Variants in EXOC6 observed in about 807,000 individuals in gnomAD.
The protein encoded by EXOC6 is exocyst complex component 6.
A neutral mutation model predicts 112.5 loss-of-function variants in EXOC6; 60 were observed. The ratio of observed to expected loss-of-function variants is 0.53; its 90% CI spans 0.43 to 0.66. The LOEUF (loss-of-function observed/expected upper bound fraction) is 0.66, where lower values mean the gene tolerates loss of function less well. EXOC6 is among the 30% of genes least tolerant of loss of function. The pLI is 0.00. For synonymous variants in EXOC6, 295 were observed against 308.0 expected (o/e 0.96, Z 0.44); for missense variants, 855 against 957.1 (o/e 0.89, Z 1.41).
intron 1 of EXOC6, among the ~76,000 whole-genome samples, chr10:92,851,705 A>C (rs527877328): frequency 6.6e-6 from 1 of 151,984 alleles, no homozygotes; most frequent in Non-Finnish European, 1.5e-5. Flanking sequence ...AACTAACCAA[A>C]CAAACAAAAA....
In EXOC6 at chr10:93,031,063, G is replaced by A. The variant is rs905818254; in HGVS notation, c.2169+16796G>A. Among the ~76,000 whole-genome samples, 3 of 152,062 alleles carry A rather than the reference G, an allele frequency of 2.0e-5. No individual in the cohort carries two copies. The East Asian group carries it at 5.8e-4, about 29-fold the overall frequency. On this transcript the variant is annotated intron_variant, in intron 20 of 21. Coordinates refer to ENST00000260762, the MANE Select transcript of EXOC6 (RefSeq NM_019053.6). ...TTGGCCCAGATGGTTTACTTTTCAC[G>A]TTAATTTAGCTGTGAGCACCTACAG... is the stretch of plus-strand genomic sequence containing the variant.
At chr10:93,037,964 C>T (rs745785803) in intron 20 of EXOC6, among the ~76,000 whole-genome samples, 8 of 143,496 alleles carry the variant, frequency 5.6e-5, no homozygotes, top group Non-Finnish European at 1.2e-4. Flanking sequence ...GGCGTGAACC[C>T]GGGAGGCGGA....
Position 92,974,978 on chromosome 10 carries a change from C to T in EXOC6, c.1953+746C>T, listed in dbSNP as rs917249020. The stretch of plus-strand genomic sequence containing the variant: ...AAGTGCCGAGATTGCAGCCTCTGCC[C>T]GGCCGCCACCCCGTCTGGGAAGTGA... On this transcript the variant is annotated intron_variant, in intron 18 of 21. Transcript: ENST00000260762. 1.3e-3 allele frequency among the ~76,000 whole-genome samples: 196 copies of T among 152,162 alleles called. 1 individual carries two copies. The highest frequency in any genetic ancestry group is 2.2e-3 in the Non-Finnish European group (151 of 67,978).
intron 5 of EXOC6, among the ~76,000 whole-genome samples, chr10:92,909,195 G>T (rs1436257898): frequency 6.6e-6 from 1 of 152,084 alleles, no homozygotes; most frequent in Non-Finnish European, 1.5e-5. Context: ...TTCAGATGAA[G>T]TGAAAAAAGA....
chr10:92,975,176 G>A (rs1842466742), intron 18 of EXOC6, among the ~76,000 whole-genome samples: 2 of 151,526 alleles, frequency 1.3e-5, no homozygotes, highest in South Asian at 4.2e-4. Flanking sequence ...TCTCTGCCTG[G>A]CCGCCCATCG....
chr10:92,902,952 G>C (rs1420671766), intron 5 of EXOC6, among the ~76,000 whole-genome samples: 1 of 152,000 alleles, frequency 6.6e-6, no homozygotes, highest in Non-Finnish European at 1.5e-5. Context: ...GTTGCTATTT[G>C]GGTGGTTTCA....
chr10:93,037,558 G>T (rs1023763269), intron 20 of EXOC6, among the ~76,000 whole-genome samples: 1 of 151,032 alleles, frequency 6.6e-6, no homozygotes, highest in Non-Finnish European at 1.5e-5. Flanking sequence ...TCCTGCCTCA[G>T]CCTCCTGAGT....
intron 19 of EXOC6, among the ~76,000 whole-genome samples, chr10:93,000,162 T>C (rs1242449967): frequency 6.6e-6 from 1 of 152,238 alleles, no homozygotes; most frequent in Non-Finnish European, 1.5e-5. Context: ...CTGTATTACA[T>C]CTTTAGTATG....
intron 8 of EXOC6, among the ~76,000 whole-genome samples, chr10:92,921,846 C>CAGTAT (rs1233405519): frequency 2.0e-5 from 3 of 151,810 alleles, no homozygotes; most frequent in East Asian, 3.9e-4. Flanking sequence ...GTAGAGTTTA[C>CAGTAT]AGTATAGTCT....
At chr10:92,830,578 G>A (rs189761521), upstream of EXOC6, among the ~76,000 whole-genome samples, 42 of 152,178 alleles carry the variant, frequency 2.8e-4, no homozygotes, top group East Asian at 1.7e-3. Context: ...TGTGTGTTGC[G>A]GGTCAGGTGG....
At position 93,058,378 on chromosome 10, in the gene EXOC6, T is replaced by C. The variant is rs2039444917; in HGVS notation, c.*23T>C. 3.8e-6 allele frequency: 6 copies of C among 1,568,168 alleles called. No homozygotes were observed. Among genetic ancestry groups the C allele is most frequent in the African/African-American group, 2.7e-5 (2 of 72,756 alleles). ...TAGACCTCACATGGCTTGCACTCAGTGACACCAAATCCATGATTCAATGTT... is the reference window on the plus strand; with the variant it reads ...TAGACCTCACATGGCTTGCACTCAGCGACACCAAATCCATGATTCAATGTT... On this transcript the variant is annotated 3_prime_UTR_variant, in exon 22 of 22. Coordinates refer to ENST00000260762, the MANE Select transcript of EXOC6 (RefSeq NM_019053.6).
In EXOC6 at chr10:92,934,429, C is replaced by A; in HGVS notation, c.1139C>A (p.Ser380Ter). The part of the protein sequence containing the change: ...SKIIAVLRAH[S>*]SYCTDPDLVL... ...ATAATTGCTGTCCTTAGAGCTCATT[C>A]AGTAAGTCAGACAATTTACATTACT... The change falls in exon 11 of 22, where the codon TCA (serine) becomes TAA (stop). Residue 380 changes from serine to a stop codon, truncating the protein, a stop_gained and splice_region_variant. Transcript: ENST00000260762. LOFTEE classifies it high-confidence loss of function. 6.4e-7 allele frequency: 1 copy of A among 1,550,426 alleles called. No homozygotes were observed. Among genetic ancestry groups the A allele is most frequent in the East Asian group, 2.4e-5 (1 of 42,338 alleles).
At chr10:93,010,606 T>C (rs1189121552) in intron 19 of EXOC6, among the ~76,000 whole-genome samples, 2 of 150,362 alleles carry the variant, frequency 1.3e-5, no homozygotes, top group Non-Finnish European at 3.0e-5. Context: ...GGCTGAGGCA[T>C]GAGAAACGCT....
At chr10:93,006,452 T>G (rs1843986425) in intron 19 of EXOC6, among the ~76,000 whole-genome samples, 1 of 152,120 alleles carries the variant, frequency 6.6e-6, no homozygotes, top group African/African-American at 2.4e-5. Context: ...CAGGTTTAAT[T>G]CCAAGAAATG....
chr10:92,963,886 A>G (rs1854155706), intron 17 of EXOC6, among the ~76,000 whole-genome samples: 1 of 152,190 alleles, frequency 6.6e-6, no homozygotes, highest in East Asian at 1.9e-4. Flanking sequence ...TTGATTTCTT[A>G]GTTCATTATG....
At chr10:92,936,518 C>G (rs1852347201) in intron 12 of EXOC6, among the ~76,000 whole-genome samples, 1 of 152,152 alleles carries the variant, frequency 6.6e-6, no homozygotes, top group South Asian at 2.1e-4. Context: ...TTGTTTGAAC[C>G]CAGGAGGTGG....
intron 1 of EXOC6, among the ~76,000 whole-genome samples, chr10:92,892,284 G>A (rs1014878462): frequency 6.6e-6 from 1 of 152,200 alleles, no homozygotes; most frequent in African/African-American, 2.4e-5. Flanking sequence ...ATAGGACAGG[G>A]ACTAGGAGAG....
intron 15 of EXOC6, among the ~76,000 whole-genome samples, chr10:92,953,619 G>T (rs2134013769): frequency 6.6e-6 from 1 of 152,186 alleles, no homozygotes; most frequent in East Asian, 1.9e-4. Flanking sequence ...CCACGACAAA[G>T]AATTATCCAC....
chr10:92,890,276 G>C (rs1312494051), intron 1 of EXOC6, among the ~76,000 whole-genome samples: 1 of 152,078 alleles, frequency 6.6e-6, no homozygotes, highest in Admixed American at 6.6e-5. Context: ...GTTCATTGCT[G>C]TATGTGCTAT....
Sources: gnomAD v4.1 joint callset for allele counts (sites outside exome capture counted in the v4.1 genomes callset) on GRCh38, gnomAD v4.1.1 for gene constraint, MANE v1.5 for transcripts, NCBI Gene and HGNC (gene_info 2026-07-23, HGNC 2026-07-21) for gene names.